Variants in LIMS2 observed in about 807,000 individuals in gnomAD.
The protein encoded by LIMS2 is LIM zinc finger domain containing 2.
LIMS2 carries 30 observed loss-of-function variants against 45.3 expected under a neutral mutation model. The observed-to-expected ratio is 0.66, with a 90% confidence interval of 0.50 to 0.90. The LOEUF (loss-of-function observed/expected upper bound fraction) is 0.90, where lower values mean the gene tolerates loss of function less well. Among genes scored for constraint, LIMS2 ranks in the 40% least tolerant of loss-of-function variants. LIMS2 has a pLI of 0.00. For missense variants in LIMS2, 485 were observed against 468.7 expected, an observed-to-expected ratio of 1.03 and a Z score of -0.32; for synonymous variants, 173 against 188.0, an observed-to-expected ratio of 0.92 and a Z score of 0.65.
At chr2:127,651,683 G>T in intron 4 of LIMS2, 2 of 1,613,288 alleles carry the variant, frequency 1.2e-6, no homozygotes, top group South Asian at 2.2e-5. Flanking sequence ...GTGGCAAAAG[G>T]CTCAAGGGCC....
rs377228823 is a variant in LIMS2 at position 127,664,594 on chromosome 2, A to G, written c.12-7032T>C. On this transcript the variant is annotated intron_variant, in intron 1 of 9. Coordinates refer to ENST00000355119, the MANE Select transcript of LIMS2 (RefSeq NM_001161403.3). The surrounding 1 kb of genome is among the most constrained non-coding windows in gnomAD (Gnocchi z 5.5). ...AGAGTCAACTCCAAATAGAAAGGAT[A>G]TTGTTCGCGCCGCGGGGGCAGCTCC... is the stretch of plus-strand genomic sequence containing the variant. 3.5e-5 allele frequency: 40 copies of G among 1,129,458 alleles called. No individual in the cohort carries two copies. The African/African-American group carries it at 5.9e-4, about 17-fold the overall frequency. The allele number at this position is 1,129,458 out of a possible 1,614,324, so 70.0% of individuals were successfully genotyped here. A position where few individuals can be genotyped will look rare whatever the true frequency, so the allele number is the denominator to read the frequency against.
intron 4 of LIMS2, chr2:127,651,216 G>A: frequency 1.2e-6 from 2 of 1,609,252 alleles, no homozygotes; most frequent in Non-Finnish European, 1.7e-6. Flanking sequence ...GGTGGTGGCT[G>A]TGGCCATGGC....
intron 1 of LIMS2, chr2:127,674,090 C>T: frequency 3.3e-6 from 1 of 305,142 alleles, no homozygotes. Flanking sequence ...GAGGCAGCTC[C>T]CCTGTGGGCC....
At position 127,639,092 on chromosome 2, in the gene LIMS2, G is replaced by A; in HGVS notation, c.*189C>T. ...AGCTCCTGCCTCCTCACAGACAGAA[G>A]CCACGGCCAAGGAGAGGAGAGACAT... On this transcript the variant is annotated 3_prime_UTR_variant, in exon 10 of 10. Coordinates refer to ENST00000355119, the MANE Select transcript of LIMS2 (RefSeq NM_001161403.3). The A allele has an allele frequency of 4.7e-6, 3 of 638,490 alleles. No homozygotes were observed. The East Asian group carries it at 8.8e-5, about 19-fold the overall frequency. 39.6% of individuals were successfully genotyped at this position (638,490 alleles called of 1,614,324 possible).
chr2:127,641,748 G>A, intron 6 of LIMS2: 1 of 343,978 alleles, frequency 2.9e-6, no homozygotes, highest in Non-Finnish European at 5.4e-6. Flanking sequence ...CAGGCACTCT[G>A]GACAGACTGC....
intron 1 of LIMS2, among the ~76,000 whole-genome samples, chr2:127,665,209 A>C (rs1206401697): frequency 6.6e-6 from 1 of 152,208 alleles, no homozygotes; most frequent in Non-Finnish European, 1.5e-5. Context: ...CAGAGCACTC[A>C]TGGAAATCTT....
upstream of LIMS2, among the ~76,000 whole-genome samples, chr2:127,676,646 G>A (rs1423052874): frequency 6.6e-6 from 1 of 152,138 alleles, no homozygotes; most frequent in East Asian, 1.9e-4. Flanking sequence ...CTGGCCTCAG[G>A]TGATCCGACT....
intron 4 of LIMS2, chr2:127,652,080 C>T: frequency 2.8e-6 from 1 of 357,364 alleles, no homozygotes; most frequent in South Asian, 5.7e-5. Flanking sequence ...CTCCCAGCCT[C>T]CTTCCCGCTA....
At chr2:127,651,258 A>C (rs749093012) in intron 4 of LIMS2, 1 of 1,606,472 alleles carries the variant, frequency 6.2e-7, no homozygotes, top group Non-Finnish European at 8.5e-7. Context: ...GACCGTGCAG[A>C]CCAACCACAC....
At chr2:127,660,069 G>T (rs1249847783) in intron 1 of LIMS2, among the ~76,000 whole-genome samples, 1 of 152,224 alleles carries the variant, frequency 6.6e-6, no homozygotes, top group East Asian at 1.9e-4. Flanking sequence ...AGCTGGCTGG[G>T]CTTCTGGTTG....
intron 1 of LIMS2, among the ~76,000 whole-genome samples, chr2:127,663,285 G>C (rs916835890): frequency 5.3e-5 from 8 of 152,188 alleles, no homozygotes; most frequent in Middle Eastern, 3.4e-3. Flanking sequence ...GAGTGACTTG[G>C]CCTCCTGAGT....
Position 127,653,116 on chromosome 2 carries a change from G to A in LIMS2, c.359+1308C>T, listed in dbSNP as rs139440128. On this transcript the variant is annotated intron_variant, in intron 4 of 9. Coordinates refer to ENST00000355119, the MANE Select transcript of LIMS2 (RefSeq NM_001161403.3). This position sits in a 1 kb window ranked among gnomAD's most constrained non-coding sequence, Gnocchi z 5.3. Reference sequence around the variant, plus strand: ...GACAAGCTGCTCAATGCCAGGCACCGCCCAGCTCCGAGGACAGTGGGCCGG... The same window carrying A: ...GACAAGCTGCTCAATGCCAGGCACCACCCAGCTCCGAGGACAGTGGGCCGG... 6.2e-3 allele frequency among the ~76,000 whole-genome samples: 940 copies of A among 152,288 alleles called. 3 individuals are homozygous for A. The highest frequency in any genetic ancestry group is 0.027 in the Middle Eastern group (8 of 294).
intron 6 of LIMS2, 191 bp from the exon 7 acceptor site, chr2:127,641,179 C>G (rs1471521874): frequency 1.7e-6 from 1 of 583,662 alleles, no homozygotes; most frequent in Non-Finnish European, 3.1e-6. Flanking sequence ...TCAGGATTCA[C>G]ACTGGGCAGA....
At chr2:127,648,784 G>C (rs1203393191) in intron 4 of LIMS2, among the ~76,000 whole-genome samples, 1 of 151,660 alleles carries the variant, frequency 6.6e-6, no homozygotes, top group Non-Finnish European at 1.5e-5. Flanking sequence ...AGCCGGGTGT[G>C]GTGGTGTGCG....
At position 127,664,296 on chromosome 2, in the gene LIMS2, G is replaced by T; in HGVS notation, c.12-6734C>A. On this transcript the variant is annotated intron_variant, in intron 1 of 9. Coordinates refer to ENST00000355119, the MANE Select transcript of LIMS2 (RefSeq NM_001161403.3). The surrounding 1 kb of genome is among the most constrained non-coding windows in gnomAD (Gnocchi z 5.5). The stretch of plus-strand genomic sequence containing the variant: ...TGTCCCCGCCACCCGCCCCGCCCCT[G>T]GCCACCTACCCCGTGGCTGGCGGCG... 1 of 1,236,788 alleles carries T rather than the reference G, an allele frequency of 8.1e-7. No individual in the cohort carries two copies. Among genetic ancestry groups the T allele is most frequent in the South Asian group, 3.6e-5 (1 of 27,746 alleles). The allele number at this position is 1,236,788 out of a possible 1,614,324, so 76.6% of individuals were successfully genotyped here.
At chr2:127,643,606 T>C (rs1682658515) in intron 4 of LIMS2, 1 of 456,478 alleles carries the variant, frequency 2.2e-6, no homozygotes, top group Admixed American at 2.3e-5. Flanking sequence ...ACCCAGGAAC[T>C]GTCACTACAG....
upstream of LIMS2, among the ~76,000 whole-genome samples, chr2:127,676,407 C>CTTTT (rs10677718): frequency 0.05 from 5,787 of 115,654 alleles, 398 homozygotes; most frequent in African/African-American, 0.15. Context: ...GCAGTTGTTA[C>CTTTT]TTTTTTTTTT....
intron 7 of LIMS2, 197 bp downstream of exon 7, chr2:127,640,699 T>C: frequency 1.7e-6 from 1 of 605,772 alleles, no homozygotes; most frequent in East Asian, 2.8e-5. Flanking sequence ...AGAACATTCT[T>C]CAAAGGAAGA....
chr2:127,671,969 C>T lies in LIMS2; in HGVS notation c.11+3045G>A, dbSNP rs545676289. 5.9e-5 allele frequency among the ~76,000 whole-genome samples: 9 copies of T among 152,348 alleles called. No individual in the cohort carries two copies. The highest frequency in any genetic ancestry group is 1.9e-4 in the East Asian group (1 of 5,182). On this transcript the variant is annotated intron_variant, in intron 1 of 9. Coordinates refer to ENST00000355119, the MANE Select transcript of LIMS2 (RefSeq NM_001161403.3). This position sits in a 1 kb window ranked among gnomAD's most constrained non-coding sequence, Gnocchi z 4.1. ...GGGACCACCGGGCACACTCCTCACC[C>T]GGAGGAGGGGCAAGATTGGTGGATA...
Sources: allele counts gnomAD v4.1 joint callset (sites outside exome capture counted in the v4.1 genomes callset), GRCh38; gene constraint gnomAD v4.1.1; non-coding constraint Gnocchi (gnomAD v3.1); transcripts MANE v1.5; gene names NCBI Gene and HGNC (gene_info 2026-07-23, HGNC 2026-07-21).